Variants in GDF15 observed in about 807,000 individuals in gnomAD.
GDF15 encodes the protein growth/differentiation factor 15.
In GDF15, 10 loss-of-function variants were observed where a neutral mutation model predicts 8.9. The observed-to-expected ratio is 1.12, with a 90% confidence interval of 0.69 to 1.90. The LOEUF is 1.90. Ranked by LOEUF, GDF15 falls within the 40% of genes most tolerant of loss-of-function variation. The pLI is 0.00. For missense variants in GDF15, 452 were observed against 434.2 expected (o/e 1.04, Z -0.36); for synonymous variants, 228 against 210.6 (o/e 1.08, Z -0.72).
In GDF15 at chr19:18,388,142, T is replaced by C; in HGVS notation, c.278-144T>C. On this transcript the variant is annotated intron_variant, in intron 1 of 1. Coordinates refer to ENST00000252809, the MANE Select transcript of GDF15 (RefSeq NM_004864.4). This position sits in a 1 kb window ranked among gnomAD's most constrained non-coding sequence, Gnocchi z 4.2. The stretch of plus-strand genomic sequence containing the variant: ...GAGCCACCGCGCCCGCACGGAGAAA[T>C]GCTCTTGGTAGGGGAAATAACTTGT... The C allele has an allele frequency of 1.4e-6, 1 of 703,620 alleles. No homozygotes were observed. The allele number at this position is 703,620 out of a possible 1,614,324, so 43.6% of individuals were successfully genotyped here. A position where few individuals can be genotyped will look rare whatever the true frequency, so the allele number is the denominator to read the frequency against.
chr19:18,386,410 A>T lies in GDF15; in HGVS notation c.221A>T (p.Glu74Val). The T allele has an allele frequency of 3.1e-6, 5 of 1,613,864 alleles. No homozygotes were observed. The highest frequency in any genetic ancestry group is 4.2e-6 in the Non-Finnish European group (5 of 1,180,018). Residue 74 changes from glutamate (E) to valine (V), a missense_variant, in exon 1 of 2, where the codon GAA becomes GTA. Transcript: ENST00000252809. ...LTRLRANQSW[E>V]DSNTDLVPAP... ...AGGCTGCGGGCCAACCAGAGCTGGG[A>T]AGATTCGAACACCGACCTCGTCCCG...
Position 18,388,555 on chromosome 19 carries a change from C to T in GDF15, c.547C>T (p.His183Tyr). 3 of 1,597,240 alleles carry T rather than the reference C, an allele frequency of 1.9e-6. No homozygotes were observed. The highest frequency in any genetic ancestry group is 1.7e-6 in the Non-Finnish European group (2 of 1,175,088). ...SSSARPQLEL[H>Y]LRPQAARGRR... is the part of the protein sequence containing the mutation. ...GTCCGCACGGCCCCAGCTGGAGTTG[C>T]ACTTGCGGCCGCAAGCCGCCAGGGG... is the stretch of plus-strand genomic sequence containing the variant. The change falls in exon 2 of 2, where the codon CAC becomes TAC. Residue 183 changes from histidine (H) to tyrosine (Y), a missense_variant. Physicochemically the swap from His to Tyr is moderately conservative, Grantham distance 83. Transcript: ENST00000252809. The surrounding 1 kb of genome is among the most constrained non-coding windows in gnomAD (Gnocchi z 4.2).
chr19:18,387,383 A>C (rs1337603799), intron 1 of GDF15, among the ~76,000 whole-genome samples: 1 of 152,170 alleles, frequency 6.6e-6, no homozygotes, highest in African/African-American at 2.4e-5. Context: ...AAAAAAAATT[A>C]GCCAGACATG....
At chr19:18,387,813 CTTTTTTTTT>C (rs538473844) in intron 1 of GDF15, among the ~76,000 whole-genome samples, 48 of 70,326 alleles carry the variant, frequency 6.8e-4, no homozygotes, top group Admixed American at 6.5e-3. Context: ...GAGAAATGCC[CTTTTTTTTT>C]TTTTTTTTTT....
chr19:18,387,865 A>T (rs1467395047), intron 1 of GDF15, among the ~76,000 whole-genome samples: 1 of 116,454 alleles, frequency 8.6e-6, no homozygotes, highest in Non-Finnish European at 1.6e-5. Flanking sequence ...TCTGTTGCCC[A>T]GGCTGGAGTG....
intron 1 of GDF15, among the ~76,000 whole-genome samples, chr19:18,387,520 C>A (rs1971845258): frequency 6.6e-6 from 1 of 151,988 alleles, no homozygotes; most frequent in Non-Finnish European, 1.5e-5. Context: ...ACAGCAAGAC[C>A]ATAATAAATA....
chr19:18,388,292 T>A lies in GDF15; in HGVS notation c.284T>A (p.Leu95Gln). Reference protein sequence around the residue: ...AVRILTPEVRLGSGGHLHLRI... With the variant: ...AVRILTPEVRQGSGGHLHLRI... ...CCTATCTGTCTTCCCACAGTGCGGC[T>A]GGGATCCGGCGGCCACCTGCACCTG... The change falls in exon 2 of 2, where the codon CTG becomes CAG. Residue 95 changes from leucine to glutamine, a missense_variant. Leu to Gln is a moderately radical substitution (Grantham distance 113). Coordinates refer to ENST00000252809, the MANE Select transcript of GDF15 (RefSeq NM_004864.4). The surrounding 1 kb of genome is among the most constrained non-coding windows in gnomAD (Gnocchi z 4.2). 1 of 1,610,358 alleles carries A rather than the reference T, an allele frequency of 6.2e-7. No individual in the cohort carries two copies. The highest frequency in any genetic ancestry group is 8.5e-7 in the Non-Finnish European group (1 of 1,179,614).
rs1971871229 is a variant in GDF15 at position 18,389,162 on chromosome 19, GCTGT to G, written c.*231_*234del. On this transcript the variant is annotated 3_prime_UTR_variant, in exon 2 of 2. Coordinates refer to ENST00000252809, the MANE Select transcript of GDF15 (RefSeq NM_004864.4). ...TTAAAACTCTGGTGATAAAAATAAAGCTGTCTGAACTGTTCCCTGTGGTGTCCAG... is the reference window on the plus strand; with the variant it reads ...TTAAAACTCTGGTGATAAAAATAAAGCTGAACTGTTCCCTGTGGTGTCCAG... 9 of 434,412 alleles carry G rather than the reference GCTGT, an allele frequency of 2.1e-5. No homozygotes were observed. The highest frequency in any genetic ancestry group is 3.7e-5 in the Non-Finnish European group (9 of 244,782). The allele number at this position is 434,412 out of a possible 1,614,324, so 26.9% of individuals were successfully genotyped here.
rs892029171 is a variant in GDF15 at position 18,388,134 on chromosome 19, C to A, written c.278-152C>A. 1.2e-5 allele frequency: 8 copies of A among 678,136 alleles called. No homozygotes were observed. The highest frequency in any genetic ancestry group is 5.5e-5 in the African/African-American group (3 of 54,234). The allele number at this position is 678,136 out of a possible 1,614,324, so 42.0% of individuals were successfully genotyped here. On this transcript the variant is annotated intron_variant, in intron 1 of 1. Transcript: ENST00000252809. This position sits in a 1 kb window ranked among gnomAD's most constrained non-coding sequence, Gnocchi z 4.2. ...ACAGGCGTGAGCCACCGCGCCCGCA[C>A]GGAGAAATGCTCTTGGTAGGGGAAA...
chr19:18,388,462 G>A lies in GDF15; in HGVS notation c.454G>A (p.Ala152Thr), dbSNP rs1256342127. Residue 152 changes from alanine (A) to threonine (T), a missense_variant, in exon 2 of 2, where the codon GCG becomes ACG. Physicochemically the swap from Ala to Thr is moderately conservative, Grantham distance 58. Transcript: ENST00000252809. This position sits in a 1 kb window ranked among gnomAD's most constrained non-coding sequence, Gnocchi z 4.2. ...TCAGCTCAGCCTTGCAAGACCCCAG[G>A]CGCCCGCGCTGCACCTGCGACTGTC... The part of the protein sequence containing the change: ...RRQLSLARPQ[A>T]PALHLRLSPP... The A allele has an allele frequency of 1.2e-6, 2 of 1,608,950 alleles. No homozygotes were observed. The highest frequency in any genetic ancestry group is 8.5e-7 in the Non-Finnish European group (1 of 1,179,190).
chr19:18,386,188 C>G lies in GDF15; in HGVS notation c.-2C>G. The stretch of plus-strand genomic sequence containing the variant: ...CAGCTCAGAGCCGCAACCTGCACAG[C>G]CATGCCCGGGCAAGAACTCAGGACG... On this transcript the variant is annotated 5_prime_UTR_variant, in exon 1 of 2. Coordinates refer to ENST00000252809, the MANE Select transcript of GDF15 (RefSeq NM_004864.4). The G allele has an allele frequency of 6.2e-7, 1 of 1,610,394 alleles. No homozygotes were observed. Among genetic ancestry groups the G allele is most frequent in the Non-Finnish European group, 8.5e-7 (1 of 1,178,610 alleles).
At chr19:18,386,722 C>A in intron 1 of GDF15, 1 of 542,632 alleles carries the variant, frequency 1.8e-6, no homozygotes, top group East Asian at 3.2e-5. Flanking sequence ...AGGGACCCTC[C>A]TGAATGTGCA....
Position 18,388,166 on chromosome 19 carries a change from G to T in GDF15, c.278-120G>T. 1.2e-6 allele frequency: 1 copy of T among 860,220 alleles called. No homozygotes were observed. 53.3% of individuals were successfully genotyped at this position (860,220 alleles called of 1,614,324 possible). On this transcript the variant is annotated intron_variant, in intron 1 of 1. Coordinates refer to ENST00000252809, the MANE Select transcript of GDF15 (RefSeq NM_004864.4). The surrounding 1 kb of genome is among the most constrained non-coding windows in gnomAD (Gnocchi z 4.2). ...ATGCTCTTGGTAGGGGAAATAACTT[G>T]TGCAAAGGCGCCGCCGCCGTGGTGA...
At position 18,386,449 on chromosome 19, in the gene GDF15, G is replaced by A. The variant is rs1201798835; in HGVS notation, c.260G>A (p.Arg87Gln). ...NTDLVPAPAV[R>Q]ILTPEVRLGS... Reference sequence around the variant, plus strand: ...GACCTCGTCCCGGCCCCTGCAGTCCGGATACTCACGCCAGAAGGTAAGTGA... The same window carrying A: ...GACCTCGTCCCGGCCCCTGCAGTCCAGATACTCACGCCAGAAGGTAAGTGA... The change falls in exon 1 of 2, where the codon CGG (arginine) becomes CAG (glutamine). Residue 87 changes from arginine to glutamine, a missense_variant. Physicochemically the swap from Arg to Gln is conservative, Grantham distance 43 (BLOSUM62 1). Coordinates refer to ENST00000252809, the MANE Select transcript of GDF15 (RefSeq NM_004864.4). 2 of 1,612,160 alleles carry A rather than the reference G, an allele frequency of 1.2e-6. No homozygotes were observed. The highest frequency in any genetic ancestry group is 2.2e-5 in the East Asian group (1 of 44,864).
chr19:18,388,601 G>T lies in GDF15; in HGVS notation c.593G>T (p.Arg198Leu). 2 of 1,600,550 alleles carry T rather than the reference G, an allele frequency of 1.2e-6. No homozygotes were observed. Among genetic ancestry groups the T allele is most frequent in the South Asian group, 1.1e-5 (1 of 90,600 alleles). The change falls in exon 2 of 2, where the codon CGC (arginine) becomes CTC (leucine). Residue 198 changes from arginine to leucine, a missense_variant. Physicochemically the swap from Arg to Leu is moderately radical, Grantham distance 102. Coordinates refer to ENST00000252809, the MANE Select transcript of GDF15 (RefSeq NM_004864.4). The surrounding 1 kb of genome is among the most constrained non-coding windows in gnomAD (Gnocchi z 4.2). ...AARGRRRARA[R>L]NGDHCPLGPG... ...AGGGGGCGCCGCAGAGCGCGTGCGC[G>T]CAACGGGGACCACTGTCCGCTCGGG...
chr19:18,386,177 A>C lies in GDF15; in HGVS notation c.-13A>C, dbSNP rs1375124349. The C allele has an allele frequency of 1.2e-6, 2 of 1,607,370 alleles. No individual in the cohort carries two copies. Among genetic ancestry groups the C allele is most frequent in the South Asian group, 2.2e-5 (2 of 90,784 alleles). On this transcript the variant is annotated 5_prime_UTR_variant, in exon 1 of 2. Transcript: ENST00000252809. ...CTGGTCAGTCCCAGCTCAGAGCCGC[A>C]ACCTGCACAGCCATGCCCGGGCAAG...
chr19:18,386,629 C>T (rs1489720435), intron 1 of GDF15, 163 bp downstream of exon 1: 7 of 644,914 alleles, frequency 1.1e-5, no homozygotes, highest in Admixed American at 2.9e-5. Flanking sequence ...ATGGGGTAGC[C>T]GATGCCTGAT....
chr19:18,388,225 C>T lies in GDF15; in HGVS notation c.278-61C>T. 1 of 1,498,596 alleles carries T rather than the reference C, an allele frequency of 6.7e-7. No individual in the cohort carries two copies. The highest frequency in any genetic ancestry group is 1.2e-5 in the South Asian group (1 of 85,606). The allele number at this position is 1,498,596 out of a possible 1,614,324, so 92.8% of individuals were successfully genotyped here. A position where few individuals can be genotyped will look rare whatever the true frequency, so the allele number is the denominator to read the frequency against. On this transcript the variant is annotated intron_variant, in intron 1 of 1. Coordinates refer to ENST00000252809, the MANE Select transcript of GDF15 (RefSeq NM_004864.4). The surrounding 1 kb of genome is among the most constrained non-coding windows in gnomAD (Gnocchi z 4.2). Reference sequence around the variant, plus strand: ...TTGGCGTGTTAGGGGAAATGGGCACCCTCGTTCCTGGAAAACGGTAGGCCT... The same window carrying T: ...TTGGCGTGTTAGGGGAAATGGGCACTCTCGTTCCTGGAAAACGGTAGGCCT...
In GDF15 at chr19:18,388,661, C is replaced by A. The variant is rs1356128295; in HGVS notation, c.653C>A (p.Ala218Glu). The change falls in exon 2 of 2, where the codon GCG becomes GAG. Residue 218 changes from alanine (A) to glutamate (E), a missense_variant. Physicochemically the swap from Ala to Glu is moderately radical, Grantham distance 107. Coordinates refer to ENST00000252809, the MANE Select transcript of GDF15 (RefSeq NM_004864.4). This position sits in a 1 kb window ranked among gnomAD's most constrained non-coding sequence, Gnocchi z 4.2. ...GRCCRLHTVRASLEDLGWADW... is the reference protein window; with the variant it reads ...GRCCRLHTVRESLEDLGWADW... ...TGCTGCCGTCTGCACACGGTCCGCGCGTCGCTGGAAGACCTGGGCTGGGCC... is the reference window on the plus strand; with the variant it reads ...TGCTGCCGTCTGCACACGGTCCGCGAGTCGCTGGAAGACCTGGGCTGGGCC... 2 of 1,602,694 alleles carry A rather than the reference C, an allele frequency of 1.2e-6. No homozygotes were observed. The highest frequency in any genetic ancestry group is 3.3e-5 in the Admixed American group (2 of 59,734).
Sources: gnomAD v4.1 joint callset for allele counts (sites outside exome capture counted in the v4.1 genomes callset) on GRCh38, gnomAD v4.1.1 for gene constraint, Gnocchi (gnomAD v3.1) non-coding constraint, MANE v1.5 for transcripts, NCBI Gene and HGNC (gene_info 2026-07-23, HGNC 2026-07-21) for gene names.